The following KCNJ15 variants were observed in gnomAD, a reference collection of about 807,000 sequenced individuals.
The protein encoded by KCNJ15 is ATP-sensitive inward rectifier potassium channel 15.
A neutral mutation model predicts 23.0 loss-of-function variants in KCNJ15; 14 were observed. The ratio of observed to expected loss-of-function variants is 0.61; its 90% CI spans 0.40 to 0.95. The LOEUF is 0.95. KCNJ15 is among the 40% of genes least tolerant of loss of function. The pLI, the probability that KCNJ15 is intolerant of heterozygous loss-of-function variation, is 0.00. For missense variants in KCNJ15, 388 were observed against 461.8 expected (o/e 0.84, Z 1.46); for synonymous variants, 185 against 183.2 (o/e 1.01, Z -0.08).
intron 1 of KCNJ15, among the ~76,000 whole-genome samples, chr21:38,265,882 A>G (rs1322900270): frequency 6.6e-6 from 1 of 152,220 alleles, no homozygotes; most frequent in East Asian, 1.9e-4. Context: ...GATGACTGTA[A>G]GAGGCACTGG....
At chr21:38,241,314 AC>A (rs3838103) in intron 1 of KCNJ15, among the ~76,000 whole-genome samples, 70,222 of 151,880 alleles carry the variant, frequency 0.46, 17,032 homozygotes, top group East Asian at 0.86. Context: ...CATCCAAGCC[AC>A]CCTCCCTCTG....
intron 1 of KCNJ15, among the ~76,000 whole-genome samples, chr21:38,280,757 C>T (rs1023615693): frequency 1.1e-4 from 16 of 152,118 alleles, no homozygotes; most frequent in African/African-American, 3.9e-4. Context: ...AACTTTCTCC[C>T]CATAGGTGAA....
intron 1 of KCNJ15, among the ~76,000 whole-genome samples, chr21:38,276,504 T>C (rs1160074902): frequency 6.6e-6 from 1 of 152,128 alleles, no homozygotes; most frequent in East Asian, 1.9e-4. Flanking sequence ...AGAAACTGGG[T>C]CCTGTACTCA....
upstream of KCNJ15, among the ~76,000 whole-genome samples, chr21:38,252,716 A>AT (rs1979920549): frequency 6.6e-6 from 1 of 152,108 alleles, no homozygotes; most frequent in Non-Finnish European, 1.5e-5. Flanking sequence ...ATATTGAGGG[A>AT]TTGAGGAGCA....
rs1267435318 is a variant in KCNJ15, at chr21:38,302,111, A to T, written c.*1722A>T. ...GCACAGGCCCTGGCTCTTCAAGCATAATCATGGTAGTCATCAGTGAAAGAC... is the reference window on the plus strand; with the variant it reads ...GCACAGGCCCTGGCTCTTCAAGCATTATCATGGTAGTCATCAGTGAAAGAC... On this transcript the variant is annotated 3_prime_UTR_variant, in exon 3 of 3. Transcript: ENST00000398938. The T allele has an allele frequency of 1.3e-5, 2 of 152,244 alleles. No homozygotes were observed. Among genetic ancestry groups the T allele is most frequent in the African/African-American group, 4.8e-5 (2 of 41,442 alleles). The allele number at this position is 152,244 out of a possible 1,614,324, so 9.4% of individuals were successfully genotyped here.
At chr21:38,252,870 T>C (rs888129297), upstream of KCNJ15, among the ~76,000 whole-genome samples, 5 of 152,188 alleles carry the variant, frequency 3.3e-5, no homozygotes, top group African/African-American at 1.2e-4. Context: ...CCCATTCCTG[T>C]GCTTCTCTGT....
At chr21:38,298,836 T>A (rs1985437524) in intron 2 of KCNJ15, among the ~76,000 whole-genome samples, 1 of 152,208 alleles carries the variant, frequency 6.6e-6, no homozygotes, top group African/African-American at 2.4e-5. Context: ...AATAAATGCA[T>A]AAGAGTTTGT....
intron 1 of KCNJ15, among the ~76,000 whole-genome samples, chr21:38,248,060 A>T (rs1979573597): frequency 6.6e-6 from 1 of 152,204 alleles, no homozygotes; most frequent in Admixed American, 6.5e-5. Context: ...AAACATTTTC[A>T]CTGTAAACTT....
At chr21:38,283,800 A>G (rs1032615400) in intron 1 of KCNJ15, among the ~76,000 whole-genome samples, 1 of 151,730 alleles carries the variant, frequency 6.6e-6, no homozygotes, top group Admixed American at 6.6e-5. Flanking sequence ...TCGTCAATGT[A>G]GAATGTTCAC....
At chr21:38,289,836 T>C (rs1208990398) in intron 1 of KCNJ15, among the ~76,000 whole-genome samples, 1 of 152,158 alleles carries the variant, frequency 6.6e-6, no homozygotes. Context: ...AGTGTTCCTG[T>C]TTTGCCAGTC....
intron 1 of KCNJ15, among the ~76,000 whole-genome samples, chr21:38,241,667 T>C (rs1048994897): frequency 1.3e-5 from 2 of 152,202 alleles, no homozygotes; most frequent in African/African-American, 2.4e-5. Context: ...CTAAATTGTT[T>C]AAGAATGACT....
intron 1 of KCNJ15, among the ~76,000 whole-genome samples, chr21:38,271,964 C>T (rs79112512): frequency 2.9e-3 from 436 of 152,262 alleles, no homozygotes; most frequent in Non-Finnish European, 4.9e-3. Context: ...ACCTGCGATC[C>T]GGTGCCACAA....
chr21:38,257,365 C>G (rs984576766), intron 1 of KCNJ15, among the ~76,000 whole-genome samples, 180 bp downstream of exon 1: 3 of 152,096 alleles, frequency 2.0e-5, no homozygotes, highest in African/African-American at 7.2e-5. Context: ...ATGTGGAAAA[C>G]GGGATTTTAC....
At position 38,303,829 on chromosome 21, in the gene KCNJ15, A is replaced by G. The variant is rs947077961; in HGVS notation, c.*3440A>G. ...AAAAAAATAGTGGCATTTGCACTCT[A>G]GCATTATTCTGTCTCCCTTATTTGA... On this transcript the variant is annotated 3_prime_UTR_variant, in exon 3 of 3. Coordinates refer to ENST00000398938, the MANE Select transcript of KCNJ15 (RefSeq NM_170736.3). The G allele has an allele frequency of 2.0e-5, 3 of 152,228 alleles. No individual in the cohort carries two copies. The highest frequency in any genetic ancestry group is 4.4e-5 in the Non-Finnish European group (3 of 68,036). 9.4% of individuals were successfully genotyped at this position (152,228 alleles called of 1,614,324 possible).
intron 1 of KCNJ15, among the ~76,000 whole-genome samples, chr21:38,250,619 A>C (rs559269674): frequency 4.6e-5 from 7 of 152,212 alleles, no homozygotes; most frequent in Non-Finnish European, 8.8e-5. Context: ...GACGTGCCGG[A>C]ATACAGCAGG....
upstream of KCNJ15, among the ~76,000 whole-genome samples, chr21:38,254,280 A>T (rs1375133670): frequency 6.6e-6 from 1 of 152,226 alleles, no homozygotes; most frequent in Non-Finnish European, 1.5e-5. Context: ...CTGCAGTCAT[A>T]CATTTATAAT....
intron 1 of KCNJ15, among the ~76,000 whole-genome samples, chr21:38,294,459 C>T (rs537702903): frequency 1.3e-5 from 2 of 152,264 alleles, no homozygotes; most frequent in African/African-American, 4.8e-5. Flanking sequence ...TCTGGGGAGC[C>T]ACTGTCTCCC....
At chr21:38,273,128 G>A (rs1315169551) in intron 1 of KCNJ15, among the ~76,000 whole-genome samples, 1 of 152,114 alleles carries the variant, frequency 6.6e-6, no homozygotes, top group Non-Finnish European at 1.5e-5. Context: ...ACATACTGAG[G>A]TTTCTTTCAA....
Position 38,300,208 on chromosome 21 carries a change from C to A in KCNJ15, c.947C>A (p.Ser316Tyr). Residue 316 changes from serine (S) to tyrosine (Y), a missense_variant, in exon 3 of 3, where the codon TCT becomes TAT. Coordinates refer to ENST00000398938, the MANE Select transcript of KCNJ15 (RefSeq NM_170736.3). ...GGTTTTGAGTTTGTGCCTGTGGTAT[C>A]TCTCTCCAAAAATGGAAAATATGTG... Reference protein sequence around the residue: ...YWGFEFVPVVSLSKNGKYVAD... With the variant: ...YWGFEFVPVVYLSKNGKYVAD... 1.2e-6 allele frequency: 2 copies of A among 1,614,146 alleles called. No individual in the cohort carries two copies. The highest frequency in any genetic ancestry group is 1.7e-6 in the Non-Finnish European group (2 of 1,180,016).
Sources: allele counts gnomAD v4.1 joint callset (sites outside exome capture counted in the v4.1 genomes callset), GRCh38; gene constraint gnomAD v4.1.1; transcripts MANE v1.5; gene names NCBI Gene and HGNC (gene_info 2026-07-23, HGNC 2026-07-21).